Variants in ASCC3 observed in about 807,000 individuals in gnomAD.
The protein encoded by ASCC3 is activating signal cointegrator 1 complex subunit 3, also known as ASC-1 complex subunit P200.
Under a neutral mutation model 256.3 loss-of-function variants are expected in ASCC3, and 158 were observed. The observed-to-expected ratio is 0.62, with a 90% CI of 0.54 to 0.70. The LOEUF is 0.70. Ranked by LOEUF, ASCC3 falls within the 30% of genes least tolerant of loss-of-function variation. The probability of loss-of-function intolerance (pLI) is 0.00; values close to 1 mark genes in which losing one functional copy is unlikely to be tolerated. For synonymous variants in ASCC3, 948 were observed against 883.4 expected, an observed-to-expected ratio of 1.07 and a Z score of -1.30; for missense variants, 2,259 against 2,626.0, an observed-to-expected ratio of 0.86 and a Z score of 3.05.
At chr6:100,701,404 C>T (rs553926308) in intron 13 of ASCC3, among the ~76,000 whole-genome samples, 5 of 152,224 alleles carry the variant, frequency 3.3e-5, no homozygotes, top group African/African-American at 1.2e-4. Flanking sequence ...TGACTTGCTC[C>T]TCCTTGCCTT....
chr6:100,791,020 G>T (rs1456400602), intron 8 of ASCC3, among the ~76,000 whole-genome samples: 1 of 151,672 alleles, frequency 6.6e-6, no homozygotes, highest in African/African-American at 2.4e-5. Flanking sequence ...TCATAGTTTT[G>T]AATGATAAAG....
rs375277432 is a variant in ASCC3, at chr6:100,524,015, TACTA to T, written c.5776-5877_5776-5874del. ...ACAGCTCTCATCTAATATTTAACAA[TACTA>T]ACTATGAGGCAGGCATTAATATTAC... On this transcript the variant is annotated intron_variant, in intron 37 of 41. Transcript: ENST00000369162. Among the ~76,000 whole-genome samples the T allele has an allele frequency of 7.2e-5, 11 of 152,214 alleles. No homozygotes were observed. The South Asian group carries it at 1.0e-3, about 14-fold the overall frequency.
intron 4 of ASCC3, among the ~76,000 whole-genome samples, chr6:100,837,315 A>T (rs1222156882): frequency 6.6e-6 from 1 of 152,138 alleles, no homozygotes; most frequent in Non-Finnish European, 1.5e-5. Context: ...ACCATTATGA[A>T]AAACAGTATG....
chr6:100,594,676 T>C (rs1397858084), intron 34 of ASCC3, among the ~76,000 whole-genome samples: 1 of 152,100 alleles, frequency 6.6e-6, no homozygotes, highest in East Asian at 1.9e-4. Context: ...GCAATCCCAG[T>C]TCTGGGTATA....
rs969909065 is a variant in ASCC3, at chr6:100,746,195, G to A, written c.1737+20370C>T. Reference sequence around the variant, plus strand: ...AAAACACATAGAATTTGAGTAACCTGACCAAAGACCTAAGTGGCTGAGGTA... The same window carrying A: ...AAAACACATAGAATTTGAGTAACCTAACCAAAGACCTAAGTGGCTGAGGTA... On this transcript the variant is annotated intron_variant, in intron 10 of 41. Coordinates refer to ENST00000369162, the MANE Select transcript of ASCC3 (RefSeq NM_006828.4). Among the ~76,000 whole-genome samples the A allele has an allele frequency of 1.2e-4, 11 of 90,950 alleles. No individual in the cohort carries two copies. In the Admixed American group the frequency reaches 1.4e-3, roughly 12 times the overall value. The allele number at this position is 90,950 out of a possible 152,430, so 59.7% of individuals were successfully genotyped here.
chr6:100,533,716 T>C lies in ASCC3; in HGVS notation c.5775+6447A>G, dbSNP rs542825814. On this transcript the variant is annotated intron_variant, in intron 37 of 41. Coordinates refer to ENST00000369162, the MANE Select transcript of ASCC3 (RefSeq NM_006828.4). ...AATTACTGGAAAGTTTTGAAATAAA[T>C]ACCATATATAGGAAGTAGTGAGAGT... 1.0e-3 allele frequency among the ~76,000 whole-genome samples: 157 copies of C among 152,306 alleles called. 3 individuals are homozygous for C. Among genetic ancestry groups the C allele is most frequent in the African/African-American group, 3.5e-3 (147 of 41,576 alleles).
At chr6:100,628,211 G>A (rs76977436) in intron 27 of ASCC3, among the ~76,000 whole-genome samples, 2,258 of 152,158 alleles carry the variant, frequency 0.015, 42 homozygotes, top group African/African-American at 0.052. Context: ...TGGAAGTAGA[G>A]TAGAAACGTG....
chr6:100,760,772 T>C (rs975068182), intron 10 of ASCC3, among the ~76,000 whole-genome samples: 1 of 151,992 alleles, frequency 6.6e-6, no homozygotes, highest in African/African-American at 2.4e-5. Context: ...AAAAAAATCA[T>C]CCAGACAGAA....
intron 37 of ASCC3, among the ~76,000 whole-genome samples, chr6:100,529,984 G>A (rs1041224195): frequency 4.6e-5 from 7 of 151,472 alleles, no homozygotes; most frequent in Non-Finnish European, 1.0e-4. Context: ...TCATTAAATC[G>A]TGATTTTTTT....
At chr6:100,870,359 G>A (rs1773683637) in intron 1 of ASCC3, among the ~76,000 whole-genome samples, 2 of 91,978 alleles carry the variant, frequency 2.2e-5, no homozygotes, top group South Asian at 2.8e-4. Context: ...GTGAGAGTCC[G>A]TCTCAAAAAA....
Position 100,625,182 on chromosome 6 carries a change from T to A in ASCC3, c.4785+10A>T. 6.2e-7 allele frequency: 1 copy of A among 1,612,140 alleles called. No homozygotes were observed. The highest frequency in any genetic ancestry group is 8.5e-7 in the Non-Finnish European group (1 of 1,178,690). On this transcript the variant is annotated intron_variant, in intron 30 of 41. Coordinates refer to ENST00000369162, the MANE Select transcript of ASCC3 (RefSeq NM_006828.4). ...CGTGTAAGTAGTAGAAGATAAAATA[T>A]GTTGCTTACCTCTCTTTCATCCATG... is the stretch of plus-strand genomic sequence containing the variant.
intron 4 of ASCC3, among the ~76,000 whole-genome samples, chr6:100,847,115 T>C (rs982225644): frequency 3.9e-5 from 6 of 152,084 alleles, no homozygotes; most frequent in African/African-American, 1.2e-4. Context: ...AAACTTACTA[T>C]AGATATTCAG....
intron 10 of ASCC3, among the ~76,000 whole-genome samples, chr6:100,738,879 TG>T (rs1780301202): frequency 6.6e-6 from 1 of 152,212 alleles, no homozygotes; most frequent in Non-Finnish European, 1.5e-5. Context: ...GATCATGTCA[TG>T]TGCAAACAAA....
intron 30 of ASCC3, among the ~76,000 whole-genome samples, chr6:100,618,097 G>A (rs1361495691): frequency 3.9e-5 from 6 of 152,192 alleles, no homozygotes; most frequent in Non-Finnish European, 8.8e-5. Context: ...GGCTGCCTAT[G>A]GCTTTGAATT....
At chr6:100,864,827 G>A (rs968369203) in intron 2 of ASCC3, among the ~76,000 whole-genome samples, 2 of 152,122 alleles carry the variant, frequency 1.3e-5, no homozygotes, top group African/African-American at 4.8e-5. Context: ...CAAGATCAAG[G>A]TGTTGGCAGG....
intron 36 of ASCC3, among the ~76,000 whole-genome samples, chr6:100,561,608 T>C (rs1769957491): frequency 6.6e-6 from 1 of 152,130 alleles, no homozygotes; most frequent in African/African-American, 2.4e-5. Context: ...ATTGATTCTT[T>C]CTCTCTCATT....
intron 30 of ASCC3, among the ~76,000 whole-genome samples, chr6:100,624,334 C>A (rs1774123932): frequency 1.3e-5 from 2 of 148,626 alleles, no homozygotes; most frequent in African/African-American, 5.0e-5. Context: ...GATGAAAGAC[C>A]AAAAGAAATG....
Position 100,799,475 on chromosome 6 carries a change from G to A in ASCC3, c.1225C>T (p.Gln409Ter). ...KIHYPHVYDS[Q>*]AEAMKTSAFI... is the part of the protein sequence containing the mutation. ...GCTGATGTTTTCATGGCTTCAGCCT[G>A]GGAATCATACACATGGGGATAATGT... The change falls in exon 7 of 42, where the codon CAG (glutamine) becomes TAG (stop). Residue 409 changes from glutamine to a stop codon, truncating the protein, a stop_gained. Coordinates refer to ENST00000369162, the MANE Select transcript of ASCC3 (RefSeq NM_006828.4). LOFTEE classifies it high-confidence loss of function. 6.2e-7 allele frequency: 1 copy of A among 1,613,032 alleles called. No individual in the cohort carries two copies.
At chr6:100,825,649 G>T (rs1303940287) in intron 4 of ASCC3, among the ~76,000 whole-genome samples, 1 of 152,096 alleles carries the variant, frequency 6.6e-6, no homozygotes, top group African/African-American at 2.4e-5. Flanking sequence ...ATGTTGGCCT[G>T]TCTTGCTAGG....
Sources: gnomAD v4.1 joint callset for allele counts (sites outside exome capture counted in the v4.1 genomes callset) on GRCh38, gnomAD v4.1.1 for gene constraint, MANE v1.5 for transcripts, NCBI Gene and HGNC (gene_info 2026-07-23, HGNC 2026-07-21) for gene names.